Variants in CDC42BPA observed in about 807,000 individuals in gnomAD.
The protein encoded by CDC42BPA is CDC42 binding protein kinase alpha.
Under a neutral mutation model 223.5 loss-of-function variants are expected in CDC42BPA, and 80 were observed. The ratio of observed to expected loss-of-function variants is 0.36; its 90% CI spans 0.30 to 0.43. CDC42BPA has a LOEUF of 0.43. CDC42BPA is among the 20% of genes least tolerant of loss of function. The probability of loss-of-function intolerance (pLI) is 1.00; values close to 1 mark genes in which losing one functional copy is unlikely to be tolerated. For missense variants in CDC42BPA, 1,743 were observed against 2,099.9 expected (o/e 0.83, Z 3.32); for synonymous variants, 694 against 718.6 (o/e 0.97, Z 0.55).
At chr1:227,218,230 T>A in intron 2 of CDC42BPA, among the ~76,000 whole-genome samples, 1 of 150,452 alleles carries the variant, frequency 6.6e-6, no homozygotes, top group Non-Finnish European at 1.5e-5. Context: ...TATTTTGTGA[T>A]TTATTAAACA....
At position 227,310,693 on chromosome 1, in the gene CDC42BPA, GT is replaced by G. The variant is rs200902466; in HGVS notation, c.178+6311del. On this transcript the variant is annotated intron_variant, in intron 1 of 36. Transcript: ENST00000366766. The stretch of plus-strand genomic sequence containing the variant: ...AAAGGAGTTTTTTTTTTTGTTTTTT[GT>G]TTTTTTTTTTGAGACAGAGTCTTGC... Among the ~76,000 whole-genome samples the G allele has an allele frequency of 2.6e-4, 37 of 143,486 alleles. No homozygotes were observed. In the South Asian group the frequency reaches 2.7e-3, roughly 10 times the overall value. 94.1% of individuals were successfully genotyped at this position (143,486 alleles called of 152,430 possible). A position where few individuals can be genotyped will look rare whatever the true frequency, so the allele number is the denominator to read the frequency against.
At position 227,027,030 on chromosome 1, in the gene CDC42BPA, C is replaced by T. The variant is rs182495853; in HGVS notation, c.4433-878G>A. Reference sequence around the variant, plus strand: ...TTGGCCTCGAACTTCTGGCCTCAAGCGATCCTCCTGCCTCAGCCTCCTGAA... The same window carrying T: ...TTGGCCTCGAACTTCTGGCCTCAAGTGATCCTCCTGCCTCAGCCTCCTGAA... On this transcript the variant is annotated intron_variant, in intron 30 of 36. Transcript: ENST00000366766. Among the ~76,000 whole-genome samples the T allele has an allele frequency of 1.5e-3, 227 of 152,246 alleles. No individual in the cohort carries two copies. The Middle Eastern group carries it at 0.017, about 11-fold the overall frequency.
intron 1 of CDC42BPA, among the ~76,000 whole-genome samples, chr1:227,291,360 C>G (rs1558968917): frequency 6.6e-6 from 1 of 152,124 alleles, no homozygotes; most frequent in South Asian, 2.1e-4. Context: ...ACCAGCCTGT[C>G]TAACATGGTG....
intron 11 of CDC42BPA, among the ~76,000 whole-genome samples, chr1:227,125,773 T>G (rs949241109): frequency 6.6e-6 from 1 of 151,908 alleles, no homozygotes; most frequent in Non-Finnish European, 1.5e-5. Flanking sequence ...GTATTTTCAA[T>G]CTCTATTTGG....
At chr1:227,156,852 C>A (rs1465911897) in intron 6 of CDC42BPA, among the ~76,000 whole-genome samples, 4 of 152,114 alleles carry the variant, frequency 2.6e-5, no homozygotes, top group Non-Finnish European at 5.9e-5. Flanking sequence ...CCCTGCAGCT[C>A]TATCCTCTCT....
chr1:227,090,773 C>T (rs6426563), intron 16 of CDC42BPA, among the ~76,000 whole-genome samples: 43,138 of 151,864 alleles, frequency 0.28, 6,340 homozygotes, highest in African/African-American at 0.35. Context: ...ATTGCACCAC[C>T]GCACTCCAGC....
intron 21 of CDC42BPA, among the ~76,000 whole-genome samples, chr1:227,066,660 T>C (rs1175517574): frequency 6.6e-6 from 1 of 151,614 alleles, no homozygotes; most frequent in Non-Finnish European, 1.5e-5. Context: ...GATGACTGAG[T>C]GATGAAGAGC....
chr1:227,245,284 CTTTTTTTTTT>C lies in CDC42BPA; in HGVS notation c.270+8770_270+8779del, dbSNP rs759666049. 4.9e-5 allele frequency among the ~76,000 whole-genome samples: 4 copies of C among 81,788 alleles called. No homozygotes were observed. In the Admixed American group the frequency reaches 5.5e-4, roughly 11 times the overall value. The allele number at this position is 81,788 out of a possible 152,430, so 53.7% of individuals were successfully genotyped here. Reference sequence around the variant, plus strand: ...GAGTAAAGAGGACTTTGTCTTGCATCTTTTTTTTTTTTTTTTTTTTTTTGAGACGGAGTCT... The same window carrying C: ...GAGTAAAGAGGACTTTGTCTTGCATCTTTTTTTTTTTTTGAGACGGAGTCT... On this transcript the variant is annotated intron_variant, in intron 2 of 36. Coordinates refer to ENST00000366766, the MANE Select transcript of CDC42BPA (RefSeq NM_001394014.1).
At chr1:227,205,882 C>A (rs35921993) in intron 3 of CDC42BPA, among the ~76,000 whole-genome samples, 1 of 152,014 alleles carries the variant, frequency 6.6e-6, no homozygotes, top group African/African-American at 2.4e-5. Flanking sequence ...GACCCCATCT[C>A]TAAAGAAAAT....
chr1:227,060,586 A>G (rs1675677895), intron 21 of CDC42BPA, among the ~76,000 whole-genome samples: 1 of 152,148 alleles, frequency 6.6e-6, no homozygotes, highest in South Asian at 2.1e-4. Flanking sequence ...GACCTAGAGG[A>G]GGGAACTTAT....
chr1:227,285,120 T>C (rs1353967789), intron 1 of CDC42BPA, among the ~76,000 whole-genome samples: 1 of 151,710 alleles, frequency 6.6e-6, no homozygotes, highest in Non-Finnish European at 1.5e-5. Flanking sequence ...CAGGTAGCAA[T>C]ACAAACTATC....
At chr1:227,066,999 A>G (rs1470551749) in intron 21 of CDC42BPA, among the ~76,000 whole-genome samples, 1 of 152,172 alleles carries the variant, frequency 6.6e-6, no homozygotes, top group Non-Finnish European at 1.5e-5. Flanking sequence ...GTGGGAAATC[A>G]TGCCTTTTAG....
In CDC42BPA at chr1:227,103,144, C is replaced by T. The variant is rs936457333; in HGVS notation, c.2002-1905G>A. On this transcript the variant is annotated intron_variant, in intron 14 of 36. Coordinates refer to ENST00000366766, the MANE Select transcript of CDC42BPA (RefSeq NM_001394014.1). ...CAGACCAACATATAAAATTGTCTCTCTGACCAACATGTAAAATAGTTAAAA... is the reference window on the plus strand; with the variant it reads ...CAGACCAACATATAAAATTGTCTCTTTGACCAACATGTAAAATAGTTAAAA... Among the ~76,000 whole-genome samples the T allele has an allele frequency of 2.6e-5, 4 of 152,038 alleles. No individual in the cohort carries two copies. In the East Asian group the frequency reaches 7.7e-4, roughly 29 times the overall value.
At chr1:227,171,265 T>C (rs1003573201) in intron 5 of CDC42BPA, among the ~76,000 whole-genome samples, 2 of 152,236 alleles carry the variant, frequency 1.3e-5, no homozygotes, top group African/African-American at 4.8e-5. Context: ...TAAACAAAAG[T>C]AAATAAGATT....
At chr1:227,133,045 T>C (rs1388841760) in intron 10 of CDC42BPA, among the ~76,000 whole-genome samples, 1 of 139,400 alleles carries the variant, frequency 7.2e-6, no homozygotes, top group African/African-American at 2.8e-5. Flanking sequence ...GAGGTGGGGG[T>C]CAGCCCCCAC....
At chr1:227,133,335 A>G (rs1260721083) in intron 10 of CDC42BPA, among the ~76,000 whole-genome samples, 1 of 139,154 alleles carries the variant, frequency 7.2e-6, no homozygotes, top group Non-Finnish European at 1.5e-5. Flanking sequence ...GTCCGGGAGG[A>G]GGTGGGGGCG....
chr1:227,221,682 T>C lies in CDC42BPA; in HGVS notation c.271-8463A>G, dbSNP rs377298462. Among the ~76,000 whole-genome samples the C allele has an allele frequency of 1.2e-3, 189 of 151,948 alleles. 2 individuals are homozygous for C. Among genetic ancestry groups the C allele is most frequent in the African/African-American group, 4.2e-3 (174 of 41,458 alleles). ...AACACAAAGCTGAATAAAAAGTTTG[T>C]TGGGCTCAGAAAACAATACTCCAAA... On this transcript the variant is annotated intron_variant, in intron 2 of 36. Transcript: ENST00000366766.
chr1:227,073,763 T>G, intron 19 of CDC42BPA, 101 bp downstream of exon 19: 5 of 944,774 alleles, frequency 5.3e-6, no homozygotes, highest in Non-Finnish European at 7.8e-6. Context: ...GGCCATCATT[T>G]TTCTAAAAGC....
chr1:227,016,004 C>T (rs1040661132), intron 34 of CDC42BPA, 76 bp downstream of exon 34: 2 of 749,028 alleles, frequency 2.7e-6, no homozygotes. Flanking sequence ...TTGAAGTCTA[C>T]CCATGTATTT....
Sources: gnomAD v4.1 joint callset for allele counts (sites outside exome capture counted in the v4.1 genomes callset) on GRCh38, gnomAD v4.1.1 for gene constraint, MANE v1.5 for transcripts, NCBI Gene and HGNC (gene_info 2026-07-23, HGNC 2026-07-21) for gene names.